Variants in CCDC178 observed in about 807,000 individuals in gnomAD.
The protein encoded by CCDC178 is coiled-coil domain containing 178, also known as coiled-coil domain-containing protein 178.
In CCDC178, 126 loss-of-function variants were observed where a neutral mutation model predicts 117.4. That is an observed-to-expected ratio of 1.07 (90% CI 0.93 to 1.24). The LOEUF is 1.24. CCDC178 is among the 50% of genes most tolerant of loss of function. CCDC178 has a pLI of 0.00. For synonymous variants in CCDC178, 283 were observed against 313.4 expected (o/e 0.90, Z 1.02); for missense variants, 1,030 against 986.9 (o/e 1.04, Z -0.59).
At chr18:33,407,528 G>C (rs920012232) in intron 3 of CCDC178, among the ~76,000 whole-genome samples, 2 of 151,940 alleles carry the variant, frequency 1.3e-5, no homozygotes, top group African/African-American at 4.8e-5. Context: ...TAACACAAAT[G>C]AATTACCTCT....
At chr18:33,289,818 T>C (rs2060145465) in intron 12 of CCDC178, among the ~76,000 whole-genome samples, 1 of 152,064 alleles carries the variant, frequency 6.6e-6, no homozygotes. Flanking sequence ...TGATGGAAAA[T>C]TGAATATATG....
At chr18:32,948,594 T>C (rs1192324639) in intron 22 of CCDC178, among the ~76,000 whole-genome samples, 2 of 152,090 alleles carry the variant, frequency 1.3e-5, no homozygotes, top group Non-Finnish European at 2.9e-5. Context: ...CTGCTAATAA[T>C]GACCATTTTA....
intron 20 of CCDC178, among the ~76,000 whole-genome samples, chr18:33,162,562 T>C (rs374555210): frequency 1.9e-4 from 29 of 152,192 alleles, no homozygotes; most frequent in African/African-American, 7.0e-4. Context: ...TAGTTATTTT[T>C]TCTGATCCTC....
At chr18:33,131,528 T>C (rs918997140) in intron 20 of CCDC178, among the ~76,000 whole-genome samples, 1 of 151,746 alleles carries the variant, frequency 6.6e-6, no homozygotes, top group Non-Finnish European at 1.5e-5. Context: ...GTTAATATAA[T>C]TATCTTAGAA....
chr18:33,135,180 T>A (rs908283610), intron 20 of CCDC178, among the ~76,000 whole-genome samples: 1 of 152,108 alleles, frequency 6.6e-6, no homozygotes. Context: ...TTGTCATTAA[T>A]AATAAAAAGA....
chr18:33,279,637 A>G (rs2059996237), intron 12 of CCDC178, among the ~76,000 whole-genome samples: 1 of 152,196 alleles, frequency 6.6e-6, no homozygotes, highest in South Asian at 2.1e-4. Flanking sequence ...AAGAGCCCAC[A>G]TTGCCAAGTC....
At chr18:33,335,252 T>C in intron 9 of CCDC178, among the ~76,000 whole-genome samples, 1 of 152,076 alleles carries the variant, frequency 6.6e-6, no homozygotes, top group East Asian at 1.9e-4. Context: ...TAACAAAAGC[T>C]ACTGATTTCT....
At chr18:33,060,618 C>A (rs1252618422) in intron 21 of CCDC178, among the ~76,000 whole-genome samples, 2 of 151,844 alleles carry the variant, frequency 1.3e-5, no homozygotes, top group Non-Finnish European at 2.9e-5. Context: ...TCGGTTGTAA[C>A]TTTCCCGCTA....
intron 20 of CCDC178, among the ~76,000 whole-genome samples, chr18:33,110,656 T>C (rs2057768585): frequency 6.6e-6 from 1 of 151,684 alleles, no homozygotes; most frequent in Non-Finnish European, 1.5e-5. Flanking sequence ...TTCAGCACCA[T>C]ATACTATGTA....
At chr18:32,989,768 T>C (rs2055348775) in intron 21 of CCDC178, among the ~76,000 whole-genome samples, 1 of 152,082 alleles carries the variant, frequency 6.6e-6, no homozygotes, top group African/African-American at 2.4e-5. Context: ...GCTGTAGTTA[T>C]ACAACATTAT....
intron 7 of CCDC178, among the ~76,000 whole-genome samples, chr18:33,352,433 C>G (rs2062990850): frequency 6.6e-6 from 1 of 152,004 alleles, no homozygotes; most frequent in Non-Finnish European, 1.5e-5. Flanking sequence ...TTTATTTCTA[C>G]TTTAACCTTT....
intron 20 of CCDC178, among the ~76,000 whole-genome samples, chr18:33,199,465 C>T (rs2058968393): frequency 6.6e-6 from 1 of 152,118 alleles, no homozygotes; most frequent in Admixed American, 6.5e-5. Flanking sequence ...ATTGTGATGA[C>T]TTATCCAACA....
intron 22 of CCDC178, chr18:32,954,718 C>T (rs958298353): frequency 2.6e-5 from 4 of 151,958 alleles, no homozygotes; most frequent in African/African-American, 9.7e-5. Flanking sequence ...TCAGACAGTC[C>T]CCAGGAGCAA....
At chr18:33,349,837 T>C (rs2062948298) in intron 7 of CCDC178, among the ~76,000 whole-genome samples, 1 of 151,994 alleles carries the variant, frequency 6.6e-6, no homozygotes, top group East Asian at 1.9e-4. Flanking sequence ...TAGAATAGTC[T>C]AATGATATTT....
At chr18:33,007,902 C>T (rs747675033) in intron 21 of CCDC178, among the ~76,000 whole-genome samples, 19 of 152,090 alleles carry the variant, frequency 1.2e-4, no homozygotes, top group Non-Finnish European at 1.9e-4. Context: ...GCAATAGCAT[C>T]TATAATGGTA....
At chr18:33,331,789 A>G (rs1227365202) in intron 10 of CCDC178, among the ~76,000 whole-genome samples, 2 of 152,184 alleles carry the variant, frequency 1.3e-5, no homozygotes, top group Admixed American at 6.5e-5. Flanking sequence ...TGTTATAGGC[A>G]CTCTGAAAAA....
intron 2 of CCDC178, among the ~76,000 whole-genome samples, chr18:33,419,400 T>C (rs2063992318): frequency 6.6e-6 from 1 of 152,094 alleles, no homozygotes; most frequent in African/African-American, 2.4e-5. Context: ...TTCATGAAGA[T>C]GCCAAAAGCA....
intron 11 of CCDC178, among the ~76,000 whole-genome samples, chr18:33,307,288 T>C (rs2062268882): frequency 6.6e-6 from 1 of 152,192 alleles, no homozygotes. Flanking sequence ...GATAGTGATA[T>C]GGACAATGAA....
chr18:33,043,768 T>G (rs192804808), intron 21 of CCDC178, among the ~76,000 whole-genome samples: 199 of 152,086 alleles, frequency 1.3e-3, no homozygotes, highest in African/African-American at 4.4e-3. Context: ...ATAACACCAA[T>G]GCTCAGATTT....
Sources: allele counts gnomAD v4.1 joint callset (sites outside exome capture counted in the v4.1 genomes callset), GRCh38; gene constraint gnomAD v4.1.1; transcripts MANE v1.5; gene names NCBI Gene and HGNC (gene_info 2026-07-23, HGNC 2026-07-21).